The following HPSE2 variants were observed in gnomAD, a reference collection of about 807,000 sequenced individuals.
HPSE2 encodes the protein heparanase 2 (inactive), also known as inactive heparanase-2.
Under a neutral mutation model 60.5 loss-of-function variants are expected in HPSE2, and 38 were observed. The ratio of observed to expected loss-of-function variants is 0.63; its 90% CI spans 0.48 to 0.82. The LOEUF (loss-of-function observed/expected upper bound fraction) is 0.82. Ranked by LOEUF, HPSE2 falls within the 40% of genes least tolerant of loss-of-function variation. The pLI, the probability that HPSE2 is intolerant of heterozygous loss-of-function variation, is 0.00. For synonymous variants in HPSE2, 295 were observed against 293.2 expected (o/e 1.01, Z -0.06); for missense variants, 713 against 740.4 (o/e 0.96, Z 0.43).
At chr10:98,511,320 T>G (rs1942386753) in intron 9 of HPSE2, among the ~76,000 whole-genome samples, 1 of 151,980 alleles carries the variant, frequency 6.6e-6, no homozygotes, top group Admixed American at 6.6e-5. Flanking sequence ...CTGGCTAATT[T>G]TTTGTATTTT....
At chr10:99,098,945 C>T (rs1217703495) in intron 3 of HPSE2, among the ~76,000 whole-genome samples, 2 of 152,102 alleles carry the variant, frequency 1.3e-5, no homozygotes, top group Non-Finnish European at 2.9e-5. Context: ...ATTAAATATG[C>T]ATTATTATAT....
At chr10:98,670,165 T>C (rs943991990) in intron 6 of HPSE2, among the ~76,000 whole-genome samples, 7 of 152,134 alleles carry the variant, frequency 4.6e-5, no homozygotes, top group African/African-American at 1.7e-4. Flanking sequence ...GGAGATGAGT[T>C]CAGGCAGCCA....
At chr10:98,537,697 C>G (rs1362318245) in intron 9 of HPSE2, among the ~76,000 whole-genome samples, 1 of 152,066 alleles carries the variant, frequency 6.6e-6, no homozygotes, top group East Asian at 1.9e-4. Context: ...GGAAGGCACC[C>G]GTTACTTAGC....
chr10:99,166,764 G>T (rs1589761912), intron 2 of HPSE2, among the ~76,000 whole-genome samples: 1 of 149,330 alleles, frequency 6.7e-6, no homozygotes, highest in Admixed American at 6.7e-5. Flanking sequence ...TCCTTTATCA[G>T]ATTTGTGATT....
intron 9 of HPSE2, among the ~76,000 whole-genome samples, chr10:98,550,242 A>T (rs549355002): frequency 6.6e-6 from 1 of 151,684 alleles, no homozygotes; most frequent in Admixed American, 6.6e-5. Flanking sequence ...CTTTAGCTTG[A>T]ATGTCCCTTT....
intron 3 of HPSE2, among the ~76,000 whole-genome samples, chr10:99,136,138 G>C: frequency 6.6e-6 from 1 of 152,108 alleles, no homozygotes; most frequent in East Asian, 1.9e-4. Context: ...GGAAAATCTA[G>C]AAGAAATGGA....
intron 3 of HPSE2, among the ~76,000 whole-genome samples, chr10:99,086,026 A>C (rs1843304014): frequency 6.6e-6 from 1 of 152,224 alleles, no homozygotes; most frequent in Non-Finnish European, 1.5e-5. Flanking sequence ...GATCAGTGCT[A>C]CTTAAGGCAT....
In HPSE2 at chr10:98,958,648, A is replaced by G. The variant is rs964963804; in HGVS notation, c.610+185590T>C. Among the ~76,000 whole-genome samples, 5 of 152,116 alleles carry G rather than the reference A, an allele frequency of 3.3e-5. No individual in the cohort carries two copies. The South Asian group carries it at 1.0e-3, about 31-fold the overall frequency. On this transcript the variant is annotated intron_variant, in intron 3 of 11. Transcript: ENST00000370552. ...TAACTAAAGATTAAATTTCTTGCCA[A>G]GACCTGAGAAACAGTAAGTGACTGA...
chr10:99,294,644 T>G, the HPSE2 span, among the ~76,000 whole-genome samples: 2 of 151,654 alleles, frequency 1.3e-5, no homozygotes, highest in African/African-American at 4.8e-5. Context: ...TTTAAAAAAG[T>G]ACACTTTGGC....
At chr10:98,593,600 G>T (rs1945149699) in intron 9 of HPSE2, among the ~76,000 whole-genome samples, 1 of 152,184 alleles carries the variant, frequency 6.6e-6, no homozygotes, top group Non-Finnish European at 1.5e-5. Context: ...TCTGACTGAT[G>T]ACAGAGACTA....
intron 8 of HPSE2, among the ~76,000 whole-genome samples, chr10:98,619,583 G>A (rs914941723): frequency 1.3e-5 from 2 of 152,138 alleles, no homozygotes; most frequent in South Asian, 2.1e-4. Context: ...AAGACCTTCT[G>A]TAATTTGGTG....
At chr10:99,024,633 C>T (rs1286699154) in intron 3 of HPSE2, among the ~76,000 whole-genome samples, 1 of 151,998 alleles carries the variant, frequency 6.6e-6, no homozygotes, top group Non-Finnish European at 1.5e-5. Flanking sequence ...AATAATCAAA[C>T]TCCCAAAGGT....
intron 2 of HPSE2, among the ~76,000 whole-genome samples, chr10:99,228,118 T>C (rs1029468639): frequency 2.0e-5 from 3 of 152,034 alleles, no homozygotes; most frequent in African/African-American, 4.8e-5. Flanking sequence ...GAGAAATACA[T>C]TCAATGCATA....
chr10:98,949,025 T>C (rs111627845), intron 3 of HPSE2, among the ~76,000 whole-genome samples: 1 of 152,154 alleles, frequency 6.6e-6, no homozygotes, highest in Non-Finnish European at 1.5e-5. Context: ...TCAAAAGTTA[T>C]GTGCAAATTT....
At chr10:98,819,841 T>G (rs1229998516) in intron 3 of HPSE2, among the ~76,000 whole-genome samples, 1 of 152,116 alleles carries the variant, frequency 6.6e-6, no homozygotes, top group Non-Finnish European at 1.5e-5. Context: ...AGGAATCTTG[T>G]GGCGCCTAGT....
chr10:98,461,811 C>T (rs1183766858), intron 11 of HPSE2: 1 of 1,595,482 alleles, frequency 6.3e-7, no homozygotes, highest in Non-Finnish European at 8.5e-7. Context: ...GTATTGACAT[C>T]TTTGGGTTCT....
chr10:98,751,827 T>C (rs1252937959), intron 3 of HPSE2, among the ~76,000 whole-genome samples: 1 of 152,184 alleles, frequency 6.6e-6, no homozygotes, highest in Non-Finnish European at 1.5e-5. Flanking sequence ...AGGGATGACA[T>C]CTTAAGTATT....
At chr10:99,097,135 G>T (rs1211246821) in intron 3 of HPSE2, among the ~76,000 whole-genome samples, 1 of 152,170 alleles carries the variant, frequency 6.6e-6, no homozygotes, top group Non-Finnish European at 1.5e-5. Context: ...CAAGGCCAGG[G>T]TCTAAGTCTC....
At chr10:99,118,378 C>T (rs1589685222) in intron 3 of HPSE2, among the ~76,000 whole-genome samples, 1 of 151,668 alleles carries the variant, frequency 6.6e-6, no homozygotes, top group East Asian at 2.0e-4. Flanking sequence ...AAAAAATTAG[C>T]CAGGTGTGTT....
Sources: gnomAD v4.1 joint callset for allele counts (sites outside exome capture counted in the v4.1 genomes callset) on GRCh38, gnomAD v4.1.1 for gene constraint, MANE v1.5 for transcripts, NCBI Gene and HGNC (gene_info 2026-07-23, HGNC 2026-07-21) for gene names.